Variants in NUDT3 observed in about 807,000 individuals in gnomAD.
NUDT3 encodes the protein diphosphoinositol polyphosphate phosphohydrolase 1.
In NUDT3, 9 loss-of-function variants were observed where a neutral mutation model predicts 23.6. The ratio of observed to expected loss-of-function variants is 0.38; its 90% confidence interval spans 0.23 to 0.66. The LOEUF is 0.66. Ranked by LOEUF, NUDT3 falls within the 30% of genes least tolerant of loss-of-function variation. The pLI is 0.52. For missense variants in NUDT3, 172 were observed against 218.5 expected, an observed-to-expected ratio of 0.79 and a Z score of 1.34; for synonymous variants, 86 against 82.6, an observed-to-expected ratio of 1.04 and a Z score of -0.22.
intron 3 of NUDT3, 128 bp from the exon 4 acceptor site, chr6:34,293,663 T>C: frequency 9.2e-7 from 1 of 1,088,496 alleles, no homozygotes; most frequent in Non-Finnish European, 1.3e-6. Context: ...TTACTTTTTA[T>C]GGTCCTACAG....
rs768887822 is a variant in NUDT3, at chr6:34,288,938, A to G, written c.341-7T>C. 3.1e-6 allele frequency: 5 copies of G among 1,592,906 alleles called. No individual in the cohort carries two copies. The African/African-American group carries it at 6.8e-5, about 22-fold the overall frequency. On this transcript the variant is annotated splice_polypyrimidine_tract_variant and splice_region_variant and intron_variant, in intron 4 of 4. Coordinates refer to ENST00000607016, the MANE Select transcript of NUDT3 (RefSeq NM_006703.4). Reference sequence around the variant, plus strand: ...AACCATTCCCTCTTCCTTCCTGTGGAGGCAGAGAGAAAAGAAACTAGTACA... The same window carrying G: ...AACCATTCCCTCTTCCTTCCTGTGGGGGCAGAGAGAAAAGAAACTAGTACA...
intron 2 of NUDT3, among the ~76,000 whole-genome samples, chr6:34,304,954 G>A (rs1287526276): frequency 1.1e-4 from 16 of 147,516 alleles, no homozygotes; most frequent in Non-Finnish European, 2.4e-4. Context: ...TTATAGGCAT[G>A]AGCCACTGTG....
chr6:34,301,417 C>T (rs1050574934), intron 2 of NUDT3, among the ~76,000 whole-genome samples: 1 of 152,224 alleles, frequency 6.6e-6, no homozygotes, highest in South Asian at 2.1e-4. Flanking sequence ...CTTGTGTCTT[C>T]GGCCAACAGA....
intron 2 of NUDT3, among the ~76,000 whole-genome samples, chr6:34,337,339 T>G (rs1269999387): frequency 6.6e-6 from 1 of 152,222 alleles, no homozygotes; most frequent in East Asian, 1.9e-4. Flanking sequence ...CACATCATCA[T>G]ATCCCATACT....
chr6:34,293,787 A>T (rs1763459221), intron 3 of NUDT3, among the ~76,000 whole-genome samples: 1 of 152,064 alleles, frequency 6.6e-6, no homozygotes, highest in Non-Finnish European at 1.5e-5. Flanking sequence ...CCTAAATACA[A>T]CTTAACAGGA....
rs1356703079 is a variant in NUDT3, at chr6:34,284,611, AT to A, written c.*4141del. On this transcript the variant is annotated 3_prime_UTR_variant, in exon 5 of 5. Transcript: ENST00000607016. ...AGAAAGTACTAGATGAAAATGAGAA[AT>A]ATGTGAAGGATAACATGTGAAATGT... is the stretch of plus-strand genomic sequence containing the variant. 6.6e-6 allele frequency: 1 copy of A among 151,636 alleles called. No homozygotes were observed. Among genetic ancestry groups the A allele is most frequent in the Non-Finnish European group, 1.5e-5 (1 of 67,970 alleles). 9.4% of individuals were successfully genotyped at this position (151,636 alleles called of 1,614,324 possible). A position where few individuals can be genotyped will look rare whatever the true frequency, so the allele number is the denominator to read the frequency against.
rs749211180 is a variant in NUDT3 at position 34,281,734 on chromosome 6, A to G, written c.*7019T>C. 1 of 152,214 alleles carries G rather than the reference A, an allele frequency of 6.6e-6. No homozygotes were observed. The highest frequency in any genetic ancestry group is 2.1e-4 in the South Asian group (1 of 4,836). 9.4% of individuals were successfully genotyped at this position (152,214 alleles called of 1,614,324 possible). A position where few individuals can be genotyped will look rare whatever the true frequency, so the allele number is the denominator to read the frequency against. On this transcript the variant is annotated 3_prime_UTR_variant, in exon 5 of 5. Coordinates refer to ENST00000607016, the MANE Select transcript of NUDT3 (RefSeq NM_006703.4). The stretch of plus-strand genomic sequence containing the variant: ...ATGTCCATTCACAGATGGAAATGAA[A>G]GAGTGAGATTCTCAGAGGCTAAACA...
At chr6:34,305,059 T>G (rs1763659884) in intron 2 of NUDT3, among the ~76,000 whole-genome samples, 3 of 146,840 alleles carry the variant, frequency 2.0e-5, no homozygotes, top group African/African-American at 7.6e-5. Flanking sequence ...ACTGGCTCAC[T>G]GCAACCTCCA....
chr6:34,374,095 T>C (rs983167976), intron 1 of NUDT3, among the ~76,000 whole-genome samples: 5 of 140,570 alleles, frequency 3.6e-5, no homozygotes, highest in Non-Finnish European at 7.5e-5. Flanking sequence ...AGGCAGAGGT[T>C]GCAGCAAGCC....
chr6:34,391,897 T>C (rs2113776342), intron 1 of NUDT3, among the ~76,000 whole-genome samples: 1 of 152,052 alleles, frequency 6.6e-6, no homozygotes, highest in Non-Finnish European at 1.5e-5. Context: ...GGCTGACAAC[T>C]GCGGAGCGGC....
chr6:34,340,935 A>T (rs1445239048), intron 2 of NUDT3, among the ~76,000 whole-genome samples: 1 of 152,214 alleles, frequency 6.6e-6, no homozygotes, highest in East Asian at 1.9e-4. Context: ...CAAGGGTAAG[A>T]TTATTCTAAG....
intron 1 of NUDT3, among the ~76,000 whole-genome samples, chr6:34,389,292 T>C (rs1765157818): frequency 6.6e-6 from 1 of 152,220 alleles, no homozygotes; most frequent in African/African-American, 2.4e-5. Flanking sequence ...GTTTGGGAGT[T>C]CCTCCTTCCC....
At position 34,290,531 on chromosome 6, in the gene NUDT3, C is replaced by A. The variant is rs193274254; in HGVS notation, c.341-1600G>T. On this transcript the variant is annotated intron_variant, in intron 4 of 4. Transcript: ENST00000607016. ...GCCACCACACCTGTCCTATGTCACA[C>A]TATTTCTTAAGCAATCTATATTATG... Among the ~76,000 whole-genome samples, 11 of 149,902 alleles carry A rather than the reference C, an allele frequency of 7.3e-5. No homozygotes were observed. The South Asian group carries it at 8.6e-4, about 12-fold the overall frequency.
In NUDT3 at chr6:34,312,176, C is replaced by T. The variant is rs151258001; in HGVS notation, c.211-16491G>A. ...CAGTACTTTGGGAGGCTGAGGTGGG[C>T]GGATCACTTGAGGTCAGGAGTTCAA... On this transcript the variant is annotated intron_variant, in intron 2 of 4. Coordinates refer to ENST00000607016, the MANE Select transcript of NUDT3 (RefSeq NM_006703.4). Among the ~76,000 whole-genome samples the T allele has an allele frequency of 4.4e-3, 672 of 151,986 alleles. 2 individuals carry two copies. The highest frequency in any genetic ancestry group is 0.015 in the African/African-American group (633 of 41,432).
At chr6:34,375,689 T>A (rs796083284) in intron 1 of NUDT3, among the ~76,000 whole-genome samples, 2 of 152,312 alleles carry the variant, frequency 1.3e-5, no homozygotes, top group African/African-American at 4.8e-5. Flanking sequence ...CTCAGACTCT[T>A]GGGTTTTTTC....
In NUDT3 at chr6:34,341,845, C is replaced by G. The variant is rs1027984156; in HGVS notation, c.210+17G>C. On this transcript the variant is annotated intron_variant, in intron 2 of 4. Coordinates refer to ENST00000607016, the MANE Select transcript of NUDT3 (RefSeq NM_006703.4). ...TGATGACGAGGCACAGCTGTGCCCT[C>G]TCTTCTCCATGCATACCTCCTCACA... 2 of 1,611,878 alleles carry G rather than the reference C, an allele frequency of 1.2e-6. No individual in the cohort carries two copies. Among genetic ancestry groups the G allele is most frequent in the Non-Finnish European group, 1.7e-6 (2 of 1,178,580 alleles).
At position 34,390,268 on chromosome 6, in the gene NUDT3, T is replaced by G. The variant is rs528268291; in HGVS notation, c.99+1996A>C. Reference sequence around the variant, plus strand: ...AAGATGGGGCCACTGCACTCCAGCCTGGGCGACATAGCAAGAGTCGGTCTC... The same window carrying G: ...AAGATGGGGCCACTGCACTCCAGCCGGGGCGACATAGCAAGAGTCGGTCTC... On this transcript the variant is annotated intron_variant, in intron 1 of 4. Coordinates refer to ENST00000607016, the MANE Select transcript of NUDT3 (RefSeq NM_006703.4). 7.9e-4 allele frequency among the ~76,000 whole-genome samples: 120 copies of G among 151,126 alleles called. 1 individual carries two copies. Among genetic ancestry groups the G allele is most frequent in the South Asian group, 1.5e-3 (7 of 4,812 alleles).
intron 2 of NUDT3, among the ~76,000 whole-genome samples, chr6:34,317,329 T>C (rs1047745222): frequency 3.3e-5 from 5 of 151,982 alleles, no homozygotes; most frequent in African/African-American, 2.4e-5. Flanking sequence ...ACTACCTACC[T>C]ACCCACTAAT....
At chr6:34,331,707 A>G (rs1349028381) in intron 2 of NUDT3, among the ~76,000 whole-genome samples, 1 of 152,234 alleles carries the variant, frequency 6.6e-6, no homozygotes, top group Non-Finnish European at 1.5e-5. Context: ...GGATTCAACC[A>G]ACTGCAGATC....
Sources: allele counts gnomAD v4.1 joint callset (sites outside exome capture counted in the v4.1 genomes callset), GRCh38; gene constraint gnomAD v4.1.1; transcripts MANE v1.5; gene names NCBI Gene and HGNC (gene_info 2026-07-23, HGNC 2026-07-21).